SNX5: variants seen among roughly 807,000 people sequenced by gnomAD.
SNX5 encodes sorting nexin-5.
SNX5 carries 31 observed loss-of-function variants against 53.9 expected under a neutral mutation model. That is an observed-to-expected ratio of 0.58 (90% CI 0.43 to 0.78). SNX5 has a LOEUF of 0.78. Ranked by LOEUF, SNX5 falls within the 30% of genes least tolerant of loss-of-function variation. SNX5 has a pLI of 0.00. For synonymous variants in SNX5, 168 were observed against 171.1 expected (o/e 0.98, Z 0.14); for missense variants, 471 against 478.8 (o/e 0.98, Z 0.15).
At position 17,955,350 on chromosome 20, in the gene SNX5, T is replaced by C. The variant is rs1180892021; in HGVS notation, c.267+15A>G. 6.3e-7 allele frequency: 1 copy of C among 1,581,986 alleles called. No homozygotes were observed. On this transcript the variant is annotated intron_variant, in intron 3 of 12. Transcript: ENST00000377759. ...GCAGAAAGAACTAGCTTATTTGATTTTCTAAAAGACTCACAATAAGCCCAG... is the reference window on the plus strand; with the variant it reads ...GCAGAAAGAACTAGCTTATTTGATTCTCTAAAAGACTCACAATAAGCCCAG...
At chr20:17,967,882 T>C (rs1044331939) in intron 1 of SNX5, 11 of 396,688 alleles carry the variant, frequency 2.8e-5, no homozygotes, top group African/African-American at 2.3e-4. Flanking sequence ...TTTCTAAAGT[T>C]GTAAGCAGCA....
chr20:17,961,549 T>C, intron 1 of SNX5: 1 of 985,110 alleles, frequency 1.0e-6, no homozygotes, highest in African/African-American at 1.7e-5. Flanking sequence ...AAGACATGGA[T>C]ACAATATGCA....
At chr20:17,960,911 G>A (rs1237202130) in intron 1 of SNX5, among the ~76,000 whole-genome samples, 1 of 152,110 alleles carries the variant, frequency 6.6e-6, no homozygotes, top group Non-Finnish European at 1.5e-5. Flanking sequence ...TGAAACTACT[G>A]GATCACGTAT....
intron 1 of SNX5, among the ~76,000 whole-genome samples, chr20:17,958,173 C>A (rs1045016657): frequency 2.0e-5 from 3 of 152,160 alleles, no homozygotes; most frequent in African/African-American, 4.8e-5. Context: ...CATCTCATTG[C>A]CCCATTCCTT....
intron 10 of SNX5, among the ~76,000 whole-genome samples, chr20:17,948,014 G>A (rs947302676): frequency 6.6e-6 from 1 of 152,174 alleles, no homozygotes; most frequent in African/African-American, 2.4e-5. Context: ...ATACAACTGG[G>A]CAATGAAGTA....
intron 1 of SNX5, among the ~76,000 whole-genome samples, chr20:17,966,496 C>T (rs150917500): frequency 6.6e-6 from 1 of 152,190 alleles, no homozygotes; most frequent in African/African-American, 2.4e-5. Context: ...AACCCCAACA[C>T]CCTCGGCTAA....
chr20:17,948,746 C>T, intron 10 of SNX5, 144 bp downstream of exon 10: 1 of 668,272 alleles, frequency 1.5e-6, no homozygotes, highest in South Asian at 1.9e-5. Flanking sequence ...GATACACAAG[C>T]TTTATGGATA....
chr20:17,955,146 C>A (rs972795450), intron 3 of SNX5, among the ~76,000 whole-genome samples: 4 of 152,168 alleles, frequency 2.6e-5, no homozygotes, highest in African/African-American at 9.7e-5. Flanking sequence ...ACTGTTCACA[C>A]CCCTTTACAA....
chr20:17,943,546 C>T (rs1226269052), intron 11 of SNX5: 1 of 191,224 alleles, frequency 5.2e-6, no homozygotes, highest in African/African-American at 2.3e-5. Context: ...GAGCCACATA[C>T]TTCACCAATG....
intron 4 of SNX5, 24 bp downstream of exon 4, chr20:17,953,972 A>C: frequency 6.3e-7 from 1 of 1,590,422 alleles, no homozygotes; most frequent in South Asian, 1.1e-5. Flanking sequence ...CAAAAGACAG[A>C]GCCCACCAGG....
Position 17,952,592 on chromosome 20 carries a change from G to A in SNX5, c.508C>T (p.Gln170Ter), listed in dbSNP as rs2122373807. The change falls in exon 5 of 13, where the codon CAG (glutamine) becomes TAG (stop). Residue 170 changes from glutamine to a stop codon, truncating the protein, a stop_gained. Coordinates refer to ENST00000377759, the MANE Select transcript of SNX5 (RefSeq NM_014426.4). LOFTEE classifies it high-confidence loss of function. ...RNFHVFLEYDQDLSVRRKNTK... is the reference protein window; with the variant it reads ...RNFHVFLEYD ...ATGGAATAAAAATGCCTTACATCCT[G>A]ATCATATTCCAGGAAAACATGAAAG... 1 of 1,613,664 alleles carries A rather than the reference G, an allele frequency of 6.2e-7. No individual in the cohort carries two copies. The highest frequency in any genetic ancestry group is 8.5e-7 in the Non-Finnish European group (1 of 1,179,782).
chr20:17,943,051 G>A (rs1432232836), intron 12 of SNX5, 59 bp downstream of exon 12: 11 of 1,232,008 alleles, frequency 8.9e-6, no homozygotes, highest in African/African-American at 4.5e-5. Context: ...TTAGTAAACT[G>A]GGAAATAACT....
chr20:17,949,202 T>C (rs1313948245), intron 8 of SNX5, 99 bp from the exon 9 acceptor site: 1 of 926,938 alleles, frequency 1.1e-6, no homozygotes, highest in Non-Finnish European at 1.7e-6. Flanking sequence ...TCAGGAGTCC[T>C]AGCCTTTGGT....
chr20:17,962,092 A>G, intron 1 of SNX5: 1 of 571,980 alleles, frequency 1.7e-6, no homozygotes, highest in South Asian at 8.1e-5. Flanking sequence ...GCCATCCTGA[A>G]GATAACTAAT....
chr20:17,946,239 C>G (rs1237698111), intron 11 of SNX5, among the ~76,000 whole-genome samples: 1 of 152,228 alleles, frequency 6.6e-6, no homozygotes, highest in Non-Finnish European at 1.5e-5. Context: ...TGTGTGCACA[C>G]ACACATACAT....
intron 1 of SNX5, among the ~76,000 whole-genome samples, chr20:17,958,560 A>G (rs2035401156): frequency 6.6e-6 from 1 of 152,216 alleles, no homozygotes; most frequent in Non-Finnish European, 1.5e-5. Flanking sequence ...AACATCAACT[A>G]TTAGTAAGAT....
intron 1 of SNX5, chr20:17,968,062 A>G (rs45484296): frequency 5.0e-6 from 2 of 398,530 alleles, no homozygotes; most frequent in Non-Finnish European, 4.4e-6. Context: ...GAAGCCGAGG[A>G]AAGTTTTAAA....
intron 1 of SNX5, among the ~76,000 whole-genome samples, chr20:17,965,320 G>C (rs187890879): frequency 1.2e-4 from 19 of 152,322 alleles, no homozygotes; most frequent in Admixed American, 3.3e-4. Context: ...AATGTCAACA[G>C]TGCTCCCCAG....
chr20:17,957,902 A>AT (rs2122397062), intron 1 of SNX5, among the ~76,000 whole-genome samples: 1 of 151,934 alleles, frequency 6.6e-6, no homozygotes, highest in African/African-American at 2.4e-5. Context: ...GTGGTTACAC[A>AT]TGAGCAACAA....
Sources: gnomAD v4.1 joint callset for allele counts (sites outside exome capture counted in the v4.1 genomes callset) on GRCh38, gnomAD v4.1.1 for gene constraint, MANE v1.5 for transcripts, NCBI Gene and HGNC (gene_info 2026-07-23, HGNC 2026-07-21) for gene names.